Variants in AFAP1L2 observed in about 807,000 individuals in gnomAD.
AFAP1L2 encodes the protein actin filament associated protein 1 like 2, also known as actin filament-associated protein 1-like 2.
Under a neutral mutation model 99.3 loss-of-function variants are expected in AFAP1L2, and 46 were observed. That is an observed-to-expected ratio of 0.46 (90% CI 0.37 to 0.59). The LOEUF (loss-of-function observed/expected upper bound fraction) is 0.59. Among genes scored for constraint, AFAP1L2 ranks in the 20% least tolerant of loss-of-function variants. AFAP1L2 has a pLI of 0.00. For missense variants in AFAP1L2, 959 were observed against 1,034.9 expected, an observed-to-expected ratio of 0.93 and a Z score of 1.01; for synonymous variants, 397 against 419.1, an observed-to-expected ratio of 0.95 and a Z score of 0.64.
chr10:114,317,756 G>A (rs1889452), intron 5 of AFAP1L2, among the ~76,000 whole-genome samples: 110,504 of 151,996 alleles, frequency 0.73, 41,889 homozygotes, highest in East Asian at 0.93. Flanking sequence ...CTACTTGGGA[G>A]GCTGAGGTGG....
At chr10:114,334,558 C>T (rs957537883) in intron 2 of AFAP1L2, among the ~76,000 whole-genome samples, 1 of 152,186 alleles carries the variant, frequency 6.6e-6, no homozygotes, top group Non-Finnish European at 1.5e-5. Flanking sequence ...CCAAGAGGAA[C>T]AGGAGGGGGC....
At chr10:114,328,251 G>A (rs1223264679) in intron 4 of AFAP1L2, among the ~76,000 whole-genome samples, 2 of 152,196 alleles carry the variant, frequency 1.3e-5, no homozygotes, top group Non-Finnish European at 2.9e-5. Flanking sequence ...GTTGGAGTGA[G>A]GACATCTGGG....
chr10:114,324,738 G>A (rs1462816778), intron 4 of AFAP1L2, among the ~76,000 whole-genome samples: 3 of 152,242 alleles, frequency 2.0e-5, no homozygotes, highest in African/African-American at 7.2e-5. Context: ...GCTGTGAGGT[G>A]GGGGAGGTTG....
At chr10:114,298,314 G>A (rs939969456) in intron 16 of AFAP1L2, among the ~76,000 whole-genome samples, 1 of 152,060 alleles carries the variant, frequency 6.6e-6, no homozygotes, top group Non-Finnish European at 1.5e-5. Flanking sequence ...GGAGGCAGAG[G>A]TTGCAGTGAC....
intron 1 of AFAP1L2, among the ~76,000 whole-genome samples, chr10:114,395,633 G>A (rs1272648306): frequency 6.6e-6 from 1 of 152,122 alleles, no homozygotes; most frequent in Non-Finnish European, 1.5e-5. Flanking sequence ...AACGGGGGGT[G>A]GAGGATGGAA....
the AFAP1L2 span, among the ~76,000 whole-genome samples, chr10:114,287,130 C>G: frequency 2.6e-5 from 4 of 152,244 alleles, no homozygotes; most frequent in East Asian, 1.9e-4. Context: ...CTAGAGAACA[C>G]TGTCCCCACG....
intron 7 of AFAP1L2, among the ~76,000 whole-genome samples, chr10:114,312,185 G>C (rs969422412): frequency 1.3e-5 from 2 of 152,042 alleles, no homozygotes; most frequent in Non-Finnish European, 2.9e-5. Context: ...GAAGATCGGT[G>C]GATTTGAGCA....
chr10:114,296,190 T>G, intron 18 of AFAP1L2, 122 bp from the exon 19 acceptor site: 1 of 1,371,470 alleles, frequency 7.3e-7, no homozygotes, highest in South Asian at 1.2e-5. Context: ...ACAGAGGTGA[T>G]AAATGTTTCA....
chr10:114,367,279 G>A (rs550614059), intron 1 of AFAP1L2, among the ~76,000 whole-genome samples: 1 of 152,314 alleles, frequency 6.6e-6, no homozygotes, highest in Admixed American at 6.5e-5. Flanking sequence ...AACCTCACCA[G>A]CTGTTTGCAG....
At chr10:114,369,027 A>G (rs2053703078) in intron 1 of AFAP1L2, among the ~76,000 whole-genome samples, 1 of 152,212 alleles carries the variant, frequency 6.6e-6, no homozygotes, top group Admixed American at 6.5e-5. Context: ...TTTAATAACT[A>G]TAACAAAATT....
At chr10:114,291,130 C>A, downstream of AFAP1L2, 1 of 1,452,538 alleles carries the variant, frequency 6.9e-7, no homozygotes. Context: ...AGAGTAAGAG[C>A]AGGACCTGAA....
downstream of AFAP1L2, chr10:114,291,536 A>G: frequency 2.7e-6 from 1 of 375,094 alleles, no homozygotes; most frequent in Non-Finnish European, 4.8e-6. Context: ...TGTTGAGGCT[A>G]TGTCATCTGC....
Position 114,297,030 on chromosome 10 carries a change from C to A in AFAP1L2, c.2378G>T (p.Arg793Met), listed in dbSNP as rs1564767872. The stretch of plus-strand genomic sequence containing the variant: ...GCCTGTGACCACGACCGAGAGAGGC[C>A]TGTTCTTGAGTGTGGTTGCAGAGTT... ...PVNSATTLKN[R>M]PLSVVVTGKG... The change falls in exon 18 of 19, where the codon AGG becomes ATG. Residue 793 changes from arginine to methionine, a missense_variant. Around this residue, in one of 2 missense-constraint regions of AFAP1L2, gnomAD observed 576 missense variants for 562.1 expected, o/e 1.02. Coordinates refer to ENST00000304129, the MANE Select transcript of AFAP1L2 (RefSeq NM_001001936.3). 5 of 1,614,130 alleles carry A rather than the reference C, an allele frequency of 3.1e-6. No homozygotes were observed. Among genetic ancestry groups the A allele is most frequent in the Non-Finnish European group, 2.5e-6 (3 of 1,180,024 alleles).
chr10:114,371,877 A>G (rs965751092), intron 1 of AFAP1L2, among the ~76,000 whole-genome samples: 20 of 151,628 alleles, frequency 1.3e-4, no homozygotes, highest in African/African-American at 4.4e-4. Flanking sequence ...GTGGCGGGGG[A>G]AAGTCCCTTT....
intron 2 of AFAP1L2, among the ~76,000 whole-genome samples, chr10:114,339,491 G>A (rs1181612491): frequency 6.6e-6 from 1 of 152,178 alleles, no homozygotes; most frequent in African/African-American, 2.4e-5. Flanking sequence ...CTCGTGGGCT[G>A]CTGTGTCAAG....
At chr10:114,361,382 T>C (rs2052386115) in intron 1 of AFAP1L2, among the ~76,000 whole-genome samples, 3 of 152,188 alleles carry the variant, frequency 2.0e-5, no homozygotes. Context: ...AGCATTCCTG[T>C]AATGCCTTAA....
intron 4 of AFAP1L2, among the ~76,000 whole-genome samples, chr10:114,328,828 G>A (rs1006075252): frequency 3.3e-5 from 5 of 152,222 alleles, no homozygotes; most frequent in Admixed American, 1.3e-4. Context: ...TCATGTGTGT[G>A]GGCAAGGACA....
chr10:114,314,343 G>A (rs999295567), intron 6 of AFAP1L2, among the ~76,000 whole-genome samples: 1 of 152,212 alleles, frequency 6.6e-6, no homozygotes, highest in African/African-American at 2.4e-5. Context: ...CCCCAGGCCT[G>A]GAGGGCCTAA....
intron 1 of AFAP1L2, among the ~76,000 whole-genome samples, chr10:114,397,127 A>C (rs1303314300): frequency 6.6e-6 from 1 of 152,144 alleles, no homozygotes. Context: ...ACACAGAAAA[A>C]AAAAAAGCCC....
Sources: allele counts gnomAD v4.1 joint callset (sites outside exome capture counted in the v4.1 genomes callset), GRCh38; gene constraint gnomAD v4.1.1; regional missense constraint gnomAD v4.1.1; transcripts MANE v1.5; gene names NCBI Gene and HGNC (gene_info 2026-07-23, HGNC 2026-07-21).